Variants in MEIS1 observed in about 807,000 individuals in gnomAD.
MEIS1 encodes the protein homeobox protein Meis1.
Under a neutral mutation model 50.8 loss-of-function variants are expected in MEIS1, and 5 were observed. That is an observed-to-expected ratio of 0.10 (90% confidence interval 0.05 to 0.21). The LOEUF is 0.21. Among genes scored for constraint, MEIS1 ranks in the 10% least tolerant of loss-of-function variants. The pLI is 1.00. For synonymous variants in MEIS1, 176 were observed against 179.3 expected (o/e 0.98, Z 0.15); for missense variants, 318 against 517.3 (o/e 0.61, Z 3.74).
At chr2:66,480,040 G>A (rs1027986283) in intron 7 of MEIS1, among the ~76,000 whole-genome samples, 2 of 152,120 alleles carry the variant, frequency 1.3e-5, no homozygotes, top group African/African-American at 4.8e-5. Flanking sequence ...GAAATCCATG[G>A]AATTAAGAAC....
chr2:66,446,048 A>G (rs1057285247), intron 6 of MEIS1, among the ~76,000 whole-genome samples: 2 of 152,032 alleles, frequency 1.3e-5, no homozygotes, highest in East Asian at 3.9e-4. Flanking sequence ...GGCTAGGGGA[A>G]GCGAGGGGCG....
intron 6 of MEIS1, among the ~76,000 whole-genome samples, chr2:66,456,762 A>G (rs1197777781): frequency 6.6e-6 from 1 of 152,218 alleles, no homozygotes; most frequent in Non-Finnish European, 1.5e-5. Context: ...TGTGTGAGGG[A>G]GGTAGCCTTT....
chr2:66,525,358 G>GCTCCT (rs1159381384), intron 8 of MEIS1, among the ~76,000 whole-genome samples: 1 of 152,164 alleles, frequency 6.6e-6, no homozygotes, highest in Non-Finnish European at 1.5e-5. Context: ...TTTTCAGCAA[G>GCTCCT]CTCCTATTGC....
chr2:66,511,225 T>C (rs1482789746), intron 7 of MEIS1, among the ~76,000 whole-genome samples: 1 of 152,228 alleles, frequency 6.6e-6, no homozygotes, highest in Non-Finnish European at 1.5e-5. Flanking sequence ...TGAACAGTTA[T>C]ATGGGTTAAA....
chr2:66,454,362 T>C (rs1672340253), intron 6 of MEIS1, among the ~76,000 whole-genome samples: 1 of 152,066 alleles, frequency 6.6e-6, no homozygotes, highest in South Asian at 2.1e-4. Flanking sequence ...TCAATTTTAT[T>C]CTGATTTCAG....
At position 66,547,972 on chromosome 2, in the gene MEIS1, G is replaced by A. The variant is rs1444654616; in HGVS notation, c.918G>A (p.Lys306=). The change falls in exon 9 of 13, where the codon AAG becomes AAA. Residue 306 remains lysine, a synonymous_variant. Coordinates refer to ENST00000272369, the MANE Select transcript of MEIS1 (RefSeq NM_002398.3). ...THPYPSEEQK[K]QLAQDTGLTI... The stretch of plus-strand genomic sequence containing the variant: ...CTTACCCTTCTGAAGAACAGAAAAA[G>A]CAGTTGGCACAAGACACGGGACTCA... 1.2e-6 allele frequency: 2 copies of A among 1,613,082 alleles called. No individual in the cohort carries two copies. The highest frequency in any genetic ancestry group is 1.1e-5 in the South Asian group (1 of 91,016).
intron 6 of MEIS1, among the ~76,000 whole-genome samples, chr2:66,460,236 G>T (rs1672487018): frequency 6.6e-6 from 1 of 152,126 alleles, no homozygotes; most frequent in African/African-American, 2.4e-5. Context: ...CATGCATTGT[G>T]CTGAGCTAGG....
At chr2:66,541,048 A>AT (rs945473596) in intron 8 of MEIS1, among the ~76,000 whole-genome samples, 18 of 149,112 alleles carry the variant, frequency 1.2e-4, no homozygotes, top group African/African-American at 2.5e-4. Context: ...TTTATTTTTT[A>AT]TTTTTTTTTG....
At chr2:66,482,202 T>C (rs1285355625) in intron 7 of MEIS1, among the ~76,000 whole-genome samples, 1 of 152,212 alleles carries the variant, frequency 6.6e-6, no homozygotes, top group African/African-American at 2.4e-5. Context: ...AAATCTACTA[T>C]GTGCCAGGTA....
chr2:66,437,793 G>A lies in MEIS1; in HGVS notation c.69G>A (p.Met23Ile), dbSNP rs778204771. 9 of 1,613,840 alleles carry A rather than the reference G, an allele frequency of 5.6e-6. No individual in the cohort carries two copies. In the African/African-American group the frequency reaches 8.0e-5, roughly 14 times the overall value. ...ATGGAGTAGGCATCCCCTCCACGATGTATGGGGACCCGCATGCAGCCAGGT... is the reference window on the plus strand; with the variant it reads ...ATGGAGTAGGCATCCCCTCCACGATATATGGGGACCCGCATGCAGCCAGGT... ...GMDGVGIPST[M>I]YGDPHAARSM... Residue 23 changes from methionine (M) to isoleucine (I), a missense_variant, in exon 2 of 13, where the codon ATG becomes ATA. Transcript: ENST00000272369.
chr2:66,534,820 A>G (rs551853209), intron 8 of MEIS1, among the ~76,000 whole-genome samples: 7 of 152,316 alleles, frequency 4.6e-5, no homozygotes, highest in African/African-American at 1.4e-4. Context: ...AAACGAATCA[A>G]TCCTCACTGG....
intron 8 of MEIS1, among the ~76,000 whole-genome samples, chr2:66,545,422 A>C (rs1427085815): frequency 6.6e-6 from 1 of 152,206 alleles, no homozygotes; most frequent in African/African-American, 2.4e-5. Context: ...GCAATATTGT[A>C]AGAACTGCTA....
At chr2:66,510,405 T>C (rs570522253) in intron 7 of MEIS1, among the ~76,000 whole-genome samples, 44 of 152,274 alleles carry the variant, frequency 2.9e-4, no homozygotes, top group African/African-American at 1.0e-3. Flanking sequence ...TCAGAGAACA[T>C]AGCATTTTCT....
At chr2:66,555,472 A>C (rs1015374465) in intron 9 of MEIS1, among the ~76,000 whole-genome samples, 3 of 152,136 alleles carry the variant, frequency 2.0e-5, no homozygotes, top group African/African-American at 7.2e-5. Flanking sequence ...GTTACTCTTC[A>C]TCTTCTCAAA....
At chr2:66,438,705 A>C (rs748839234) in intron 2 of MEIS1, among the ~76,000 whole-genome samples, 1 of 152,144 alleles carries the variant, frequency 6.6e-6, no homozygotes, top group Non-Finnish European at 1.5e-5. Context: ...GGCTAGTAGA[A>C]TCCTTTGAAA....
At chr2:66,440,633 C>A in intron 4 of MEIS1, 21 bp downstream of exon 4, 1 of 1,134,150 alleles carries the variant, frequency 8.8e-7, no homozygotes, top group Non-Finnish European at 1.2e-6. Flanking sequence ...ACCCCTATTT[C>A]CCTCCCCCGC....
chr2:66,440,404 C>G (rs1282160405), intron 3 of MEIS1, 158 bp from the exon 4 acceptor site: 2 of 679,004 alleles, frequency 2.9e-6, no homozygotes, highest in Admixed American at 4.9e-5. Context: ...AATGTTTCTG[C>G]GCGGGACGAA....
At chr2:66,469,166 G>A (rs902536752) in intron 7 of MEIS1, among the ~76,000 whole-genome samples, 46 of 150,800 alleles carry the variant, frequency 3.1e-4, no homozygotes, top group African/African-American at 9.9e-4. Flanking sequence ...TAGGAGGCAG[G>A]ACTCAGAATA....
intron 8 of MEIS1, among the ~76,000 whole-genome samples, chr2:66,513,483 A>C (rs953580921): frequency 6.6e-6 from 1 of 152,050 alleles, no homozygotes; most frequent in African/African-American, 2.4e-5. Flanking sequence ...AGGTCATGTT[A>C]GTTCTGCTCC....
Sources: gnomAD v4.1 joint callset for allele counts (sites outside exome capture counted in the v4.1 genomes callset) on GRCh38, gnomAD v4.1.1 for gene constraint, MANE v1.5 for transcripts, NCBI Gene and HGNC (gene_info 2026-07-23, HGNC 2026-07-21) for gene names.